The following THOC7 variants were observed in gnomAD, a reference collection of about 807,000 sequenced individuals.
The protein encoded by THOC7 is NIF3L1-binding protein 1.
In THOC7, 22 loss-of-function variants were observed where a neutral mutation model predicts 33.1. The observed-to-expected ratio is 0.66, with a 90% CI of 0.47 to 0.95. The LOEUF (loss-of-function observed/expected upper bound fraction) is 0.95. THOC7 is among the 40% of genes least tolerant of loss of function. The pLI is 0.00. For synonymous variants in THOC7, 77 were observed against 76.8 expected (o/e 1.00, Z -0.01); for missense variants, 184 against 245.3 (o/e 0.75, Z 1.67).
chr3:63,839,890 T>A, intron 1 of THOC7, 117 bp from the exon 2 acceptor site: 1 of 783,550 alleles, frequency 1.3e-6, no homozygotes, highest in Non-Finnish European at 2.1e-6. Context: ...TAAATGCATT[T>A]AATGCCACTG....
chr3:63,847,277 T>G (rs1276982259), intron 1 of THOC7, among the ~76,000 whole-genome samples: 1 of 152,218 alleles, frequency 6.6e-6, no homozygotes, highest in African/African-American at 2.4e-5. Flanking sequence ...CCAAATTTCC[T>G]TGTCAATTTC....
intron 1 of THOC7, among the ~76,000 whole-genome samples, chr3:63,860,315 G>T (rs531790819): frequency 1.3e-5 from 2 of 152,294 alleles, no homozygotes; most frequent in South Asian, 4.1e-4. Flanking sequence ...AAAGTGCTAA[G>T]ATTGATTACA....
chr3:63,847,993 C>T (rs1312662983), intron 1 of THOC7, among the ~76,000 whole-genome samples: 1 of 152,114 alleles, frequency 6.6e-6, no homozygotes, highest in Non-Finnish European at 1.5e-5. Context: ...CACAACTGAC[C>T]AGCATGAACA....
intron 2 of THOC7, among the ~76,000 whole-genome samples, chr3:63,839,314 TAA>T (rs1342314934): frequency 1.3e-5 from 2 of 152,336 alleles, no homozygotes; most frequent in East Asian, 3.9e-4. Flanking sequence ...TGCACCAACT[TAA>T]TATATACATA....
chr3:63,849,581 A>G (rs1701980711), intron 1 of THOC7, among the ~76,000 whole-genome samples: 1 of 152,068 alleles, frequency 6.6e-6, no homozygotes, highest in Admixed American at 6.6e-5. Flanking sequence ...CAAAGTTTGC[A>G]GCAAAGCAAA....
At chr3:63,835,427 G>C in intron 5 of THOC7, 37 bp from the exon 6 acceptor site, 1 of 1,592,250 alleles carries the variant, frequency 6.3e-7, no homozygotes. Context: ...TTTGCTGAAT[G>C]GGGGAGAAGA....
In THOC7 at chr3:63,834,210, G is replaced by A. The variant is rs748224623; in HGVS notation, c.548-11C>T. On this transcript the variant is annotated splice_polypyrimidine_tract_variant and intron_variant, in intron 7 of 7. Coordinates refer to ENST00000295899, the MANE Select transcript of THOC7 (RefSeq NM_025075.4). Reference sequence around the variant, plus strand: ...AGAGTTTTTCATCATCTGTAATTGAGAAGGAAACATAAAACCTTAGTCAAG... The same window carrying A: ...AGAGTTTTTCATCATCTGTAATTGAAAAGGAAACATAAAACCTTAGTCAAG... 4 of 1,613,630 alleles carry A rather than the reference G, an allele frequency of 2.5e-6. No homozygotes were observed. The highest frequency in any genetic ancestry group is 1.1e-5 in the South Asian group (1 of 91,034).
At chr3:63,841,494 G>A (rs1440374242) in intron 1 of THOC7, among the ~76,000 whole-genome samples, 1 of 152,220 alleles carries the variant, frequency 6.6e-6, no homozygotes, top group Non-Finnish European at 1.5e-5. Context: ...TAGTTCCTGT[G>A]TGTAGGCAGA....
intron 1 of THOC7, among the ~76,000 whole-genome samples, chr3:63,857,140 AC>A (rs1702129949): frequency 6.6e-6 from 1 of 152,202 alleles, no homozygotes; most frequent in East Asian, 1.9e-4. Context: ...CAGAGAAGAT[AC>A]TTTTACCTTT....
intron 1 of THOC7, among the ~76,000 whole-genome samples, chr3:63,842,976 C>T (rs1323498321): frequency 1.3e-5 from 2 of 151,502 alleles, no homozygotes; most frequent in African/African-American, 4.9e-5. Flanking sequence ...TTTATAGAGA[C>T]AGAGTTTCAC....
rs755629784 is a variant in THOC7 at position 63,838,025 on chromosome 3, C to T, written c.303G>A (p.Glu101=). 1.2e-6 allele frequency: 2 copies of T among 1,609,356 alleles called. No homozygotes were observed. The highest frequency in any genetic ancestry group is 1.7e-6 in the Non-Finnish European group (2 of 1,178,214). ...SIAGAHEKIA[E]CKKQILQAKR... ...TTGCTTGAAGAATTTGCTTTTTGCA[C>T]TCAGCAATTTTTTCATGTGCTCCAG... The change falls in exon 4 of 8, where the codon GAG becomes GAA. Residue 101 remains glutamate, a synonymous_variant. Coordinates refer to ENST00000295899, the MANE Select transcript of THOC7 (RefSeq NM_025075.4).
In THOC7 at chr3:63,837,686, G is replaced by T. The variant is rs1051274365; in HGVS notation, c.352+290C>A. 5.3e-5 allele frequency among the ~76,000 whole-genome samples: 8 copies of T among 151,382 alleles called. No homozygotes were observed. The South Asian group carries it at 1.0e-3, about 20-fold the overall frequency. Reference sequence around the variant, plus strand: ...ACCATAACATTATTTAGGCAAAAGGGTCCAAGATGGTAAAAATTTAATACT... The same window carrying T: ...ACCATAACATTATTTAGGCAAAAGGTTCCAAGATGGTAAAAATTTAATACT... On this transcript the variant is annotated intron_variant, in intron 4 of 7. Coordinates refer to ENST00000295899, the MANE Select transcript of THOC7 (RefSeq NM_025075.4).
chr3:63,848,927 A>C (rs1701964289), intron 1 of THOC7, among the ~76,000 whole-genome samples: 1 of 152,224 alleles, frequency 6.6e-6, no homozygotes, highest in Admixed American at 6.5e-5. Flanking sequence ...ACCTGATGAT[A>C]TCTCCAGAAT....
chr3:63,842,275 C>T (rs1184893644), intron 1 of THOC7, among the ~76,000 whole-genome samples: 17 of 152,004 alleles, frequency 1.1e-4, no homozygotes, highest in Non-Finnish European at 1.5e-5. Context: ...CTAGCTCACC[C>T]CACTGAGAGA....
At chr3:63,861,539 A>C (rs761039112) in intron 1 of THOC7, 1 of 152,212 alleles carries the variant, frequency 6.6e-6, no homozygotes, top group Non-Finnish European at 1.5e-5. Context: ...GAAGTAGCAG[A>C]CACAGGACGC....
chr3:63,856,613 T>G (rs979445298), intron 1 of THOC7, among the ~76,000 whole-genome samples: 1 of 152,184 alleles, frequency 6.6e-6, no homozygotes, highest in Admixed American at 6.5e-5. Context: ...TTCAAGCATA[T>G]ATACCCACTG....
upstream of THOC7, chr3:63,863,912 C>T (rs1575821573): frequency 2.0e-6 from 2 of 1,006,888 alleles, no homozygotes; most frequent in Non-Finnish European, 2.4e-6. Context: ...GCGGCGGCGC[C>T]CGCGGCCGCC....
chr3:63,843,453 A>T (rs891550160), intron 1 of THOC7, among the ~76,000 whole-genome samples: 1 of 152,182 alleles, frequency 6.6e-6, no homozygotes, highest in Non-Finnish European at 1.5e-5. Context: ...TGGAACTACC[A>T]TATGATCCAG....
chr3:63,839,672 CA>C lies in THOC7; in HGVS notation c.120del (p.Ser42ProfsTer13). On this transcript the variant is annotated frameshift_variant, in exon 2 of 8. Coordinates refer to ENST00000295899, the MANE Select transcript of THOC7 (RefSeq NM_025075.4). LOFTEE classifies it high-confidence loss of function. ...LVKSFIKWCN[S>X]GSQEEGYSQY... is the part of the protein sequence containing the mutation. ...ATGAAATACCCCTCTTCCTGGGACCCAGAGTTGCACCATTTAATGAAACTCT... is the reference window on the plus strand; with the variant it reads ...ATGAAATACCCCTCTTCCTGGGACCCGAGTTGCACCATTTAATGAAACTCT... 6.2e-7 allele frequency: 1 copy of C among 1,611,952 alleles called. No homozygotes were observed. Among genetic ancestry groups the C allele is most frequent in the Middle Eastern group, 2.2e-4 (1 of 4,576 alleles).
Sources: gnomAD v4.1 joint callset for allele counts (sites outside exome capture counted in the v4.1 genomes callset) on GRCh38, gnomAD v4.1.1 for gene constraint, MANE v1.5 for transcripts, NCBI Gene and HGNC (gene_info 2026-07-23, HGNC 2026-07-21) for gene names.